RCSD1: variants seen among roughly 807,000 people sequenced by gnomAD.
The protein encoded by RCSD1 is RCSD domain containing 1, also known as capZ-interacting protein.
Under a neutral mutation model 42.5 loss-of-function variants are expected in RCSD1, and 26 were observed. The observed-to-expected ratio is 0.61, with a 90% CI of 0.45 to 0.85. RCSD1 has a LOEUF of 0.85. RCSD1 is among the 40% of genes least tolerant of loss of function. The pLI is 0.00. For missense variants in RCSD1, 571 were observed against 528.3 expected (o/e 1.08, Z -0.79); for synonymous variants, 220 against 212.2 (o/e 1.04, Z -0.32).
At chr1:167,679,609 G>T (rs1659031067) in intron 1 of RCSD1, among the ~76,000 whole-genome samples, 2 of 152,212 alleles carry the variant, frequency 1.3e-5, no homozygotes, top group Admixed American at 1.3e-4. Flanking sequence ...GAGGCTCTGG[G>T]CTCTGGCCTA....
At position 167,685,440 on chromosome 1, in the gene RCSD1, C is replaced by A. The variant is rs977781317; in HGVS notation, c.128C>A (p.Thr43Asn). The A allele has an allele frequency of 6.2e-7, 1 of 1,613,884 alleles. No homozygotes were observed. The highest frequency in any genetic ancestry group is 1.7e-5 in the Admixed American group (1 of 59,996). The change falls in exon 3 of 7, where the codon ACC (threonine) becomes AAC (asparagine). Residue 43 changes from threonine (T) to asparagine (N), a missense_variant. Physicochemically the swap from Thr to Asn is moderately conservative, Grantham distance 65. Coordinates refer to ENST00000367854, the MANE Select transcript of RCSD1 (RefSeq NM_052862.4). ...CTCCAGACACCAGCCAGTAAACCAACCCGAAGGAAACCGCCCTGTTCCCTC... is the reference window on the plus strand; with the variant it reads ...CTCCAGACACCAGCCAGTAAACCAAACCGAAGGAAACCGCCCTGTTCCCTC... The part of the protein sequence containing the change: ...AAKETPASKP[T>N]RRKPPCSLPL...
chr1:167,693,359 C>T (rs1013919722), intron 4 of RCSD1, among the ~76,000 whole-genome samples: 1 of 152,250 alleles, frequency 6.6e-6, no homozygotes, highest in South Asian at 2.1e-4. Flanking sequence ...CCCAACCAAA[C>T]TCAAGACTCC....
chr1:167,685,467 C>T lies in RCSD1; in HGVS notation c.155C>T (p.Pro52Leu), dbSNP rs1659208506. ...PTRRKPPCSLPLFPPKVDLGQ... is the reference protein window; with the variant it reads ...PTRRKPPCSLLLFPPKVDLGQ... ...CGAAGGAAACCGCCCTGTTCCCTCC[C>T]CCTGTTCCCCCCCAAGGTAGACCTG... Residue 52 changes from proline to leucine, a missense_variant, in exon 3 of 7, where the codon CCC becomes CTC. By Grantham distance (98) the Pro-to-Leu change is moderately conservative. Transcript: ENST00000367854. 1.9e-6 allele frequency: 3 copies of T among 1,613,770 alleles called. No homozygotes were observed. In the South Asian group the frequency reaches 3.3e-5, roughly 18 times the overall value.
chr1:167,697,015 G>T (rs1659512137), intron 5 of RCSD1, 84 bp from the exon 6 acceptor site: 2 of 1,288,906 alleles, frequency 1.6e-6, no homozygotes, highest in Admixed American at 4.6e-5. Flanking sequence ...CAGTGCACCA[G>T]ACTGACATTG....
At chr1:167,631,115 G>A (rs573001593) in intron 1 of RCSD1, among the ~76,000 whole-genome samples, 10 of 152,348 alleles carry the variant, frequency 6.6e-5, no homozygotes, top group African/African-American at 2.2e-4. Context: ...ACATCTGCAG[G>A]CTTTGCCAGA....
At chr1:167,652,952 T>G (rs74119899) in intron 1 of RCSD1, among the ~76,000 whole-genome samples, 8,715 of 152,316 alleles carry the variant, frequency 0.057, 260 homozygotes, top group African/African-American at 0.08. Context: ...TATTTTCTTA[T>G]AGTATATTCT....
At chr1:167,654,556 G>A (rs1231644262) in intron 1 of RCSD1, among the ~76,000 whole-genome samples, 1 of 152,180 alleles carries the variant, frequency 6.6e-6, no homozygotes, top group Non-Finnish European at 1.5e-5. Flanking sequence ...ATAGTGCTGT[G>A]TTAGCCTCCA....
intron 1 of RCSD1, among the ~76,000 whole-genome samples, chr1:167,652,016 A>ATG (rs1239017303): frequency 4.2e-5 from 4 of 94,780 alleles, no homozygotes; most frequent in African/African-American, 1.7e-4. Context: ...GCCTCTGTTC[A>ATG]TCTTTTTTTT....
chr1:167,675,014 G>T (rs1218745657), intron 1 of RCSD1, among the ~76,000 whole-genome samples: 4 of 151,904 alleles, frequency 2.6e-5, no homozygotes, highest in African/African-American at 4.8e-5. Context: ...AGACCATCCT[G>T]GCTAACACAG....
At chr1:167,657,664 T>C (rs1000000830) in intron 1 of RCSD1, among the ~76,000 whole-genome samples, 1 of 152,156 alleles carries the variant, frequency 6.6e-6, no homozygotes, top group South Asian at 2.1e-4. Context: ...GGACTTGGTT[T>C]TGATATGCTG....
At position 167,662,748 on chromosome 1, in the gene RCSD1, G is replaced by A. The variant is rs932316577; in HGVS notation, c.7-21152G>A. 3.3e-5 allele frequency among the ~76,000 whole-genome samples: 5 copies of A among 152,242 alleles called. No individual in the cohort carries two copies. In the East Asian group the frequency reaches 7.7e-4, roughly 23 times the overall value. On this transcript the variant is annotated intron_variant, in intron 1 of 6. Coordinates refer to ENST00000367854, the MANE Select transcript of RCSD1 (RefSeq NM_052862.4). The stretch of plus-strand genomic sequence containing the variant: ...AGGAAGGAAGAGGAGGAGGAGGGAT[G>A]GGATTCTTTACTTGGAAGAGCTGAG...
intron 1 of RCSD1, chr1:167,641,939 CT>C (rs1413372067): frequency 6.6e-6 from 1 of 152,252 alleles, no homozygotes; most frequent in African/African-American, 2.4e-5. Context: ...CTTTTCACCC[CT>C]GCTGCAAGTC....
rs151239868 is a variant in RCSD1 at position 167,682,514 on chromosome 1, C to T, written c.7-1386C>T. ...ACTTTGCCCCATTAACTTAACTTCC[C>T]TGCTGGAAGTGGCTGGGAGGTGAGG... On this transcript the variant is annotated intron_variant, in intron 1 of 6. Transcript: ENST00000367854. Among the ~76,000 whole-genome samples, 21 of 152,310 alleles carry T rather than the reference C, an allele frequency of 1.4e-4. No homozygotes were observed. The East Asian group carries it at 2.5e-3, about 18-fold the overall frequency.
At chr1:167,696,120 C>T (rs1659492795) in intron 5 of RCSD1, among the ~76,000 whole-genome samples, 1 of 152,064 alleles carries the variant, frequency 6.6e-6, no homozygotes, top group East Asian at 1.9e-4. Flanking sequence ...AAGCTGGTCA[C>T]CAGGTCTCCA....
intron 1 of RCSD1, among the ~76,000 whole-genome samples, chr1:167,658,283 A>T (rs1185564698): frequency 6.6e-6 from 1 of 152,254 alleles, no homozygotes; most frequent in Non-Finnish European, 1.5e-5. Flanking sequence ...CATTGTGAGC[A>T]TATGTGTACA....
chr1:167,666,792 G>C (rs1658669233), intron 1 of RCSD1, among the ~76,000 whole-genome samples: 1 of 152,250 alleles, frequency 6.6e-6, no homozygotes, highest in Non-Finnish European at 1.5e-5. Flanking sequence ...AATAGAACAA[G>C]CTTGTCCAAC....
rs1327948707 is a variant in RCSD1 at position 167,697,575 on chromosome 1, G to T, written c.951G>T (p.Val317=). The T allele has an allele frequency of 1.2e-6, 2 of 1,607,722 alleles. No homozygotes were observed. Among genetic ancestry groups the T allele is most frequent in the African/African-American group, 2.7e-5 (2 of 74,756 alleles). Residue 317 remains valine (V), a synonymous_variant, in exon 6 of 7, where the codon GTG becomes GTT. Coordinates refer to ENST00000367854, the MANE Select transcript of RCSD1 (RefSeq NM_052862.4). ...CAGAGATGGAAAAGGCTACAGAGGTGAAGGGGGAGAGGGTGCAAAATGAAG... is the reference window on the plus strand; with the variant it reads ...CAGAGATGGAAAAGGCTACAGAGGTTAAGGGGGAGAGGGTGCAAAATGAAG... ...EEAEMEKATE[V]KGERVQNEEV...
intron 1 of RCSD1, among the ~76,000 whole-genome samples, chr1:167,652,973 C>A (rs1176959337): frequency 3.3e-5 from 5 of 152,184 alleles, no homozygotes; most frequent in Non-Finnish European, 1.5e-5. Flanking sequence ...AAAAATAGAA[C>A]AAAGACTTCT....
chr1:167,646,424 C>A (rs1364179066), intron 1 of RCSD1, among the ~76,000 whole-genome samples: 1 of 134,726 alleles, frequency 7.4e-6, no homozygotes, highest in Non-Finnish European at 1.5e-5. Context: ...GAGTTATAGC[C>A]GACCATAAGC....
Sources: gnomAD v4.1 joint callset for allele counts (sites outside exome capture counted in the v4.1 genomes callset) on GRCh38, gnomAD v4.1.1 for gene constraint, MANE v1.5 for transcripts, NCBI Gene and HGNC (gene_info 2026-07-23, HGNC 2026-07-21) for gene names.